Variants in BICC1 observed in about 807,000 individuals in gnomAD.
The protein encoded by BICC1 is BicC family RNA binding protein 1.
In BICC1, 43 loss-of-function variants were observed where a neutral mutation model predicts 111.0. The ratio of observed to expected loss-of-function variants is 0.39; its 90% CI spans 0.30 to 0.50. BICC1 has a LOEUF of 0.50. Among genes scored for constraint, BICC1 ranks in the 20% least tolerant of loss-of-function variants. The pLI, the probability that BICC1 is intolerant of heterozygous loss-of-function variation, is 0.88. For missense variants in BICC1, 1,091 were observed against 1,203.2 expected (o/e 0.91, Z 1.38); for synonymous variants, 467 against 434.4 (o/e 1.07, Z -0.93).
chr10:58,639,023 G>C (rs1419297026), intron 2 of BICC1, among the ~76,000 whole-genome samples: 2 of 151,458 alleles, frequency 1.3e-5, no homozygotes, highest in Admixed American at 1.3e-4. Context: ...GTACATTGTG[G>C]AATAGCTAAA....
intron 19 of BICC1, among the ~76,000 whole-genome samples, chr10:58,820,050 C>A (rs1006386281): frequency 2.6e-5 from 4 of 152,112 alleles, no homozygotes; most frequent in Non-Finnish European, 5.9e-5. Context: ...AATTTAAAAT[C>A]CCAACCTAAG....
chr10:58,615,154 C>T (rs1189568000), intron 1 of BICC1, among the ~76,000 whole-genome samples: 1 of 151,426 alleles, frequency 6.6e-6, no homozygotes, highest in Non-Finnish European at 1.5e-5. Context: ...CTAGGGCCAC[C>T]CACACTTGCC....
chr10:58,665,688 C>T (rs1163075457), intron 2 of BICC1, among the ~76,000 whole-genome samples: 1 of 152,146 alleles, frequency 6.6e-6, no homozygotes, highest in Admixed American at 6.5e-5. Context: ...TTTATTTCAT[C>T]TTCTGAGACT....
In BICC1 at chr10:58,796,400, C is replaced by G. The variant is rs773325872; in HGVS notation, c.1240C>G (p.Leu414Val). 1.2e-6 allele frequency: 2 copies of G among 1,614,086 alleles called. No homozygotes were observed. The highest frequency in any genetic ancestry group is 1.7e-6 in the Non-Finnish European group (2 of 1,179,994). The stretch of plus-strand genomic sequence containing the variant: ...AAATATGTATGAAGCAAGGAAATGT[C>G]TCCTCGGACTTGAAAGCAGTGGGGT... ...ALNMYEARKC[L>V]LGLESSGVTI... The change falls in exon 10 of 21, where the codon CTC becomes GTC. Residue 414 changes from leucine to valine, a missense_variant. Around this residue, in one of 3 missense-constraint regions of BICC1, gnomAD observed 843 missense variants for 900.8 expected, o/e 0.94. Transcript: ENST00000373886.
intron 17 of BICC1, among the ~76,000 whole-genome samples, chr10:58,810,998 T>C (rs1843885490): frequency 6.6e-6 from 1 of 152,190 alleles, no homozygotes; most frequent in Non-Finnish European, 1.5e-5. Context: ...AAACTCTGTA[T>C]TCAATATTAT....
chr10:58,758,375 A>ATTG (rs1842205631), intron 3 of BICC1, among the ~76,000 whole-genome samples: 2 of 152,308 alleles, frequency 1.3e-5, no homozygotes, highest in South Asian at 4.1e-4. Flanking sequence ...CAAATTGACA[A>ATTG]TTCTCTGCTA....
At chr10:58,591,640 A>C (rs1844622595) in intron 1 of BICC1, among the ~76,000 whole-genome samples, 1 of 152,230 alleles carries the variant, frequency 6.6e-6, no homozygotes, top group Non-Finnish European at 1.5e-5. Context: ...AGATACAGGC[A>C]TTCAGACCAC....
intron 4 of BICC1, 25 bp from the exon 5 acceptor site, chr10:58,786,898 G>A (rs767183782): frequency 1.3e-6 from 2 of 1,535,922 alleles, no homozygotes; most frequent in East Asian, 2.4e-5. Flanking sequence ...CATACATCAA[G>A]TAATAATACA....
At chr10:58,676,426 G>A (rs1003274673) in intron 2 of BICC1, among the ~76,000 whole-genome samples, 38 of 152,118 alleles carry the variant, frequency 2.5e-4, no homozygotes, top group Non-Finnish European at 4.7e-4. Context: ...TGGGATGCTC[G>A]AGCTTGGTAG....
At chr10:58,554,847 T>A (rs1183394530) in intron 1 of BICC1, among the ~76,000 whole-genome samples, 1 of 136,430 alleles carries the variant, frequency 7.3e-6, no homozygotes, top group Non-Finnish European at 1.6e-5. Context: ...AATTTTGGTA[T>A]AATAAATTCT....
chr10:58,552,637 C>T (rs1016925121), intron 1 of BICC1, among the ~76,000 whole-genome samples: 44 of 152,040 alleles, frequency 2.9e-4, no homozygotes, highest in African/African-American at 9.9e-4. Context: ...TTAAACACAC[C>T]GTAGTGAACT....
intron 2 of BICC1, among the ~76,000 whole-genome samples, chr10:58,653,624 C>T (rs1838521632): frequency 6.6e-6 from 1 of 152,066 alleles, no homozygotes; most frequent in South Asian, 2.1e-4. Flanking sequence ...CTGTTCAATC[C>T]ACACGTCTTG....
chr10:58,592,126 A>C (rs1415886926), intron 1 of BICC1, among the ~76,000 whole-genome samples: 2 of 152,242 alleles, frequency 1.3e-5, no homozygotes, highest in African/African-American at 4.8e-5. Flanking sequence ...GAGGAAAAAC[A>C]TACATTTTAC....
intron 1 of BICC1, among the ~76,000 whole-genome samples, chr10:58,603,967 C>A (rs989098569): frequency 6.6e-6 from 1 of 152,096 alleles, no homozygotes; most frequent in South Asian, 2.1e-4. Context: ...TTTTTCATAA[C>A]GGTCTTCAAA....
chr10:58,549,793 C>T (rs1480200881), intron 1 of BICC1, among the ~76,000 whole-genome samples: 1 of 151,396 alleles, frequency 6.6e-6, no homozygotes, highest in Non-Finnish European at 1.5e-5. Context: ...TCAAGCGATT[C>T]TCCTGTCTCA....
At chr10:58,558,668 C>G (rs925201220) in intron 1 of BICC1, among the ~76,000 whole-genome samples, 14 of 152,068 alleles carry the variant, frequency 9.2e-5, no homozygotes, top group African/African-American at 2.7e-4. Flanking sequence ...TTCTTAGTTT[C>G]TTAGTTCACA....
chr10:58,820,569 C>A, intron 20 of BICC1, 101 bp downstream of exon 20: 1 of 779,576 alleles, frequency 1.3e-6, no homozygotes, highest in South Asian at 1.5e-5. Flanking sequence ...GGCTTACTAA[C>A]CTAACACCTT....
intron 15 of BICC1, among the ~76,000 whole-genome samples, chr10:58,806,290 C>G (rs945458466): frequency 6.6e-6 from 1 of 151,984 alleles, no homozygotes; most frequent in Admixed American, 6.6e-5. Context: ...CTCTGGTGTG[C>G]TAGGTATTTA....
chr10:58,628,253 GT>G, intron 2 of BICC1, among the ~76,000 whole-genome samples: 1 of 152,212 alleles, frequency 6.6e-6, no homozygotes, highest in South Asian at 2.1e-4. Context: ...ATAGATTGAA[GT>G]TGTTAATGGA....
Sources: allele counts gnomAD v4.1 joint callset (sites outside exome capture counted in the v4.1 genomes callset), GRCh38; gene constraint gnomAD v4.1.1; regional missense constraint gnomAD v4.1.1; transcripts MANE v1.5; gene names NCBI Gene and HGNC (gene_info 2026-07-23, HGNC 2026-07-21).